NCAM2: variants seen among roughly 807,000 people sequenced by gnomAD.
The protein encoded by NCAM2 is neural cell adhesion molecule 2.
NCAM2 carries 30 observed loss-of-function variants against 98.1 expected under a neutral mutation model. That is an observed-to-expected ratio of 0.31 (90% CI 0.23 to 0.41). NCAM2 has a LOEUF of 0.41. NCAM2 is among the 10% of genes least tolerant of loss of function. The pLI, the probability that NCAM2 is intolerant of heterozygous loss-of-function variation, is 1.00. For synonymous variants in NCAM2, 368 were observed against 342.4 expected, an observed-to-expected ratio of 1.07 and a Z score of -0.83; for missense variants, 867 against 1,005.8, an observed-to-expected ratio of 0.86 and a Z score of 1.87.
intron 8 of NCAM2, among the ~76,000 whole-genome samples, chr21:21,343,975 C>T (rs1002734041): frequency 9.2e-5 from 14 of 152,026 alleles, no homozygotes; most frequent in African/African-American, 3.4e-4. Flanking sequence ...CAGCTTGTGG[C>T]TCCAAAAGAG....
chr21:21,317,467 G>A (rs1044144871), intron 5 of NCAM2, among the ~76,000 whole-genome samples: 1 of 151,900 alleles, frequency 6.6e-6, no homozygotes, highest in Non-Finnish European at 1.5e-5. Context: ...TACACCTTTA[G>A]ATTACTTTTA....
intron 1 of NCAM2, among the ~76,000 whole-genome samples, chr21:21,235,803 C>T (rs542306255): frequency 6.0e-4 from 92 of 152,104 alleles, no homozygotes; most frequent in African/African-American, 2.1e-3. Context: ...GTCAATGCCA[C>T]TAAAGACTCA....
intron 12 of NCAM2, among the ~76,000 whole-genome samples, chr21:21,450,676 T>C (rs1980898901): frequency 6.6e-6 from 1 of 151,998 alleles, no homozygotes; most frequent in Admixed American, 6.6e-5. Context: ...TCTACATAAA[T>C]ACTTGGCACT....
chr21:21,040,901 C>T (rs1007732538), intron 1 of NCAM2, among the ~76,000 whole-genome samples: 1 of 152,018 alleles, frequency 6.6e-6, no homozygotes, highest in African/African-American at 2.4e-5. Context: ...TGTGTATCTT[C>T]AGATAGCAAG....
chr21:21,463,287 C>G (rs1343895063), intron 12 of NCAM2, among the ~76,000 whole-genome samples: 1 of 152,072 alleles, frequency 6.6e-6, no homozygotes, highest in African/African-American at 2.4e-5. Flanking sequence ...TCTTTTCCCT[C>G]TCTCACTTTA....
chr21:21,430,155 A>G (rs867351154), intron 11 of NCAM2, among the ~76,000 whole-genome samples: 8 of 151,736 alleles, frequency 5.3e-5, no homozygotes, highest in African/African-American at 1.7e-4. Flanking sequence ...CAGCCTCCCA[A>G]GCAGCTGGAA....
intron 1 of NCAM2, among the ~76,000 whole-genome samples, chr21:21,109,320 C>T (rs1167877898): frequency 6.6e-6 from 1 of 152,050 alleles, no homozygotes; most frequent in Non-Finnish European, 1.5e-5. Flanking sequence ...TTTATATGCA[C>T]ATCTTATATA....
At chr21:21,368,445 C>T (rs1434912769) in intron 8 of NCAM2, among the ~76,000 whole-genome samples, 1 of 151,854 alleles carries the variant, frequency 6.6e-6, no homozygotes, top group Non-Finnish European at 1.5e-5. Context: ...CTCCCTCCCC[C>T]ACCATCTTAG....
At chr21:21,214,746 T>TACATATATATATATATAC (rs2069816662) in intron 1 of NCAM2, among the ~76,000 whole-genome samples, 1 of 100,608 alleles carries the variant, frequency 9.9e-6, no homozygotes, top group Admixed American at 1.1e-4. Context: ...TATATATATA[T>TACATATATATATATATAC]ACACTATATA....
At chr21:21,474,980 A>G (rs928891071) in intron 14 of NCAM2, among the ~76,000 whole-genome samples, 14 of 150,528 alleles carry the variant, frequency 9.3e-5, no homozygotes, top group Non-Finnish European at 1.6e-4. Flanking sequence ...ATGTAGGTCT[A>G]TATATATAAC....
chr21:21,060,998 T>G lies in NCAM2; in HGVS notation c.55+62380T>G, dbSNP rs58532525. Reference sequence around the variant, plus strand: ...TGAAGATTGTATGTGAGGAAGATTTTCAGATGCCATCTTTTTTTCCTCTCT... The same window carrying G: ...TGAAGATTGTATGTGAGGAAGATTTGCAGATGCCATCTTTTTTTCCTCTCT... On this transcript the variant is annotated intron_variant, in intron 1 of 17. Coordinates refer to ENST00000400546, the MANE Select transcript of NCAM2 (RefSeq NM_004540.5). Among the ~76,000 whole-genome samples, 255 of 152,254 alleles carry G rather than the reference T, an allele frequency of 1.7e-3. 1 individual carries two copies. The highest frequency in any genetic ancestry group is 5.5e-3 in the African/African-American group (229 of 41,576).
chr21:21,494,737 A>G (rs532093322), intron 15 of NCAM2, among the ~76,000 whole-genome samples: 104 of 151,944 alleles, frequency 6.8e-4, no homozygotes, highest in Admixed American at 2.9e-3. Context: ...TATAGATAAG[A>G]TAATAGATAT....
chr21:21,032,187 T>C (rs199991121), intron 1 of NCAM2, among the ~76,000 whole-genome samples: 2 of 12,368 alleles, frequency 1.6e-4, no homozygotes, highest in African/African-American at 3.3e-4. Flanking sequence ...ACTCTATAAA[T>C]AATATTTTCT....
At chr21:21,363,263 G>A (rs1568980624) in intron 8 of NCAM2, among the ~76,000 whole-genome samples, 1 of 152,024 alleles carries the variant, frequency 6.6e-6, no homozygotes, top group East Asian at 1.9e-4. Flanking sequence ...GAACATTTTG[G>A]AGATTTATTG....
intron 1 of NCAM2, among the ~76,000 whole-genome samples, chr21:21,067,226 G>T (rs2065459897): frequency 6.6e-6 from 1 of 151,670 alleles, no homozygotes; most frequent in Non-Finnish European, 1.5e-5. Context: ...TTTAAAGCTG[G>T]CATGAGAGAG....
intron 9 of NCAM2, among the ~76,000 whole-genome samples, chr21:21,390,391 A>G (rs956083684): frequency 4.6e-5 from 7 of 152,124 alleles, no homozygotes; most frequent in Admixed American, 4.6e-4. Context: ...GAGAGTTCTG[A>G]TCGGAGGTAC....
At chr21:21,253,790 A>C (rs181043697) in intron 1 of NCAM2, among the ~76,000 whole-genome samples, 2 of 152,196 alleles carry the variant, frequency 1.3e-5, no homozygotes, top group African/African-American at 2.4e-5. Context: ...TACGCTATGA[A>C]CTTGTAGATA....
intron 16 of NCAM2, among the ~76,000 whole-genome samples, chr21:21,516,661 G>A (rs780149137): frequency 1.1e-4 from 17 of 151,744 alleles, no homozygotes; most frequent in African/African-American, 4.1e-4. Flanking sequence ...TCAACCATCT[G>A]TATTTTTTTT....
chr21:21,124,477 G>C (rs1359861646), intron 1 of NCAM2, among the ~76,000 whole-genome samples: 1 of 152,042 alleles, frequency 6.6e-6, no homozygotes, highest in East Asian at 1.9e-4. Context: ...AGTAAACTTA[G>C]GTCAGCTTTC....
Sources: allele counts gnomAD v4.1 joint callset (sites outside exome capture counted in the v4.1 genomes callset), GRCh38; gene constraint gnomAD v4.1.1; transcripts MANE v1.5; gene names NCBI Gene and HGNC (gene_info 2026-07-23, HGNC 2026-07-21).